The following ANLN variants were observed in gnomAD, a reference collection of about 807,000 sequenced individuals.
ANLN encodes anillin.
A neutral mutation model predicts 135.1 loss-of-function variants in ANLN; 59 were observed. The ratio of observed to expected loss-of-function variants is 0.44; its 90% confidence interval spans 0.35 to 0.54. The LOEUF is 0.54. Among genes scored for constraint, ANLN ranks in the 20% least tolerant of loss-of-function variants. The pLI is 0.00. For missense variants in ANLN, 1,182 were observed against 1,340.0 expected, an observed-to-expected ratio of 0.88 and a Z score of 1.84; for synonymous variants, 406 against 456.4, an observed-to-expected ratio of 0.89 and a Z score of 1.41.
At chr7:36,414,390 C>T (rs3801311) in intron 7 of ANLN, among the ~76,000 whole-genome samples, 47 of 151,898 alleles carry the variant, frequency 3.1e-4, no homozygotes, top group African/African-American at 1.1e-3. Context: ...GGATGAACTC[C>T]GCACAGTGAA....
chr7:36,406,009 A>T (rs766309416), intron 3 of ANLN, among the ~76,000 whole-genome samples, 172 bp from the exon 4 acceptor site: 5 of 152,230 alleles, frequency 3.3e-5, no homozygotes, highest in Non-Finnish European at 5.9e-5. Context: ...ATTTGATTTA[A>T]AAAGATATTG....
rs1055367056 is a variant in ANLN, at chr7:36,390,147, C to T, written c.18+103C>T. On this transcript the variant is annotated intron_variant, in intron 1 of 23. Transcript: ENST00000265748. ...GCGAACCCCCACCGGGCGGAGGGCG[C>T]GTGTGTGCGCGCGTGCGCAGTGTGT... 2.3e-5 allele frequency: 37 copies of T among 1,587,690 alleles called. No homozygotes were observed. The Admixed American group carries it at 4.1e-4, about 18-fold the overall frequency.
Position 36,399,226 on chromosome 7 carries a change from C to A in ANLN, c.320C>A (p.Pro107Gln). 6.2e-7 allele frequency: 1 copy of A among 1,614,126 alleles called. No individual in the cohort carries two copies. The highest frequency in any genetic ancestry group is 8.5e-7 in the Non-Finnish European group (1 of 1,180,026). The change falls in exon 3 of 24, where the codon CCA (proline) becomes CAA (glutamine). Residue 107 changes from proline to glutamine, a missense_variant. Transcript: ENST00000265748. The part of the protein sequence containing the change: ...SPSPVSPQVQ[P>Q]QAADTISDSV... The stretch of plus-strand genomic sequence containing the variant: ...AGTCCTGTGTCTCCTCAGGTGCAGC[C>A]ACAAGCAGCAGATACCATCAGTGAT...
At chr7:36,443,394 A>T (rs1232423890) in intron 21 of ANLN, among the ~76,000 whole-genome samples, 1 of 152,226 alleles carries the variant, frequency 6.6e-6, no homozygotes, top group African/African-American at 2.4e-5. Flanking sequence ...TTTTTAAAAT[A>T]TATAAGGTAT....
intron 2 of ANLN, among the ~76,000 whole-genome samples, chr7:36,397,405 T>G (rs540173217): frequency 6.6e-6 from 1 of 152,294 alleles, no homozygotes; most frequent in East Asian, 1.9e-4. Flanking sequence ...CTAAACTTCT[T>G]TAGGTAGAAG....
chr7:36,434,925 A>G lies in ANLN; in HGVS notation c.2884-4279A>G, dbSNP rs938283673. Among the ~76,000 whole-genome samples the G allele has an allele frequency of 5.3e-5, 8 of 152,214 alleles. No homozygotes were observed. In the South Asian group the frequency reaches 1.4e-3, roughly 28 times the overall value. On this transcript the variant is annotated intron_variant, in intron 20 of 23. Transcript: ENST00000265748. ...AATGGACATGCATGAAAAATCACCT[A>G]TAGCAACAGAAAGCGTATCATTGGT... is the stretch of plus-strand genomic sequence containing the variant.
intron 1 of ANLN, among the ~76,000 whole-genome samples, chr7:36,394,122 C>T (rs1786595455): frequency 6.6e-6 from 1 of 152,162 alleles, no homozygotes; most frequent in Non-Finnish European, 1.5e-5. Flanking sequence ...CCCCACCATG[C>T]CTGGCTAACT....
chr7:36,445,199 A>G (rs1265367548), intron 22 of ANLN, among the ~76,000 whole-genome samples: 4 of 54,410 alleles, frequency 7.4e-5, no homozygotes, highest in African/African-American at 2.9e-4. Context: ...CAGATTTTGG[A>G]ATATTTGCAT....
At chr7:36,414,553 G>A (rs1021808784) in intron 7 of ANLN, among the ~76,000 whole-genome samples, 1 of 152,174 alleles carries the variant, frequency 6.6e-6, no homozygotes, top group Non-Finnish European at 1.5e-5. Context: ...GGAAAGGGAA[G>A]GTGACAGGGG....
chr7:36,400,439 G>A (rs931274788), intron 3 of ANLN, among the ~76,000 whole-genome samples: 7 of 151,860 alleles, frequency 4.6e-5, no homozygotes, highest in Admixed American at 1.3e-4. Flanking sequence ...GGCTCATTGC[G>A]ACTTCCGCCT....
intron 14 of ANLN, 72 bp from the exon 15 acceptor site, chr7:36,423,745 G>A (rs959005828): frequency 7.4e-7 from 1 of 1,347,722 alleles, no homozygotes; most frequent in Non-Finnish European, 1.0e-6. Context: ...TATTTCTTTG[G>A]TATTCCAGAA....
intron 1 of ANLN, among the ~76,000 whole-genome samples, chr7:36,391,387 CT>C (rs1424014590): frequency 6.6e-6 from 1 of 152,220 alleles, no homozygotes; most frequent in East Asian, 1.9e-4. Flanking sequence ...GAAAATTGCA[CT>C]TCATTTTACT....
intron 4 of ANLN, among the ~76,000 whole-genome samples, chr7:36,407,038 T>C (rs1308899593): frequency 1.3e-5 from 2 of 152,216 alleles, no homozygotes; most frequent in African/African-American, 4.8e-5. Flanking sequence ...TTTGAAACTT[T>C]TACTTTGTGC....
At chr7:36,431,530 CAT>C (rs1394081562) in intron 20 of ANLN, among the ~76,000 whole-genome samples, 3 of 139,576 alleles carry the variant, frequency 2.1e-5, no homozygotes, top group Non-Finnish European at 4.6e-5. Context: ...ATCTATCTAT[CAT>C]ATATATATGT....
At chr7:36,394,797 A>C (rs1786630604) in intron 1 of ANLN, among the ~76,000 whole-genome samples, 1 of 152,186 alleles carries the variant, frequency 6.6e-6, no homozygotes, top group African/African-American at 2.4e-5. Flanking sequence ...GCAAGGCAGT[A>C]ATAATAATCT....
intron 12 of ANLN, among the ~76,000 whole-genome samples, chr7:36,421,488 G>A (rs1207549576): frequency 6.6e-6 from 1 of 152,016 alleles, no homozygotes; most frequent in Non-Finnish European, 1.5e-5. Context: ...AAAGTGCTGG[G>A]ATTACGGGTG....
chr7:36,396,238 T>C, intron 1 of ANLN, 28 bp from the exon 2 acceptor site: 1 of 1,540,896 alleles, frequency 6.5e-7, no homozygotes, highest in Non-Finnish European at 8.8e-7. Context: ...AAACTTGTGT[T>C]TTAACACTGA....
At chr7:36,394,521 TG>T (rs1786615823) in intron 1 of ANLN, among the ~76,000 whole-genome samples, 1 of 152,164 alleles carries the variant, frequency 6.6e-6, no homozygotes, top group African/African-American at 2.4e-5. Context: ...ATTTAGCGGG[TG>T]AAGGTCTTGT....
At chr7:36,444,864 A>T (rs1220203440) in intron 22 of ANLN, among the ~76,000 whole-genome samples, 4 of 152,172 alleles carry the variant, frequency 2.6e-5, no homozygotes, top group Non-Finnish European at 5.9e-5. Context: ...GCATCAGTAA[A>T]GATAAGTCTA....
Sources: gnomAD v4.1 joint callset for allele counts (sites outside exome capture counted in the v4.1 genomes callset) on GRCh38, gnomAD v4.1.1 for gene constraint, MANE v1.5 for transcripts, NCBI Gene and HGNC (gene_info 2026-07-23, HGNC 2026-07-21) for gene names.